The following FOCAD variants were observed in gnomAD, a reference collection of about 807,000 sequenced individuals.
FOCAD encodes the protein KIAA1797.
In FOCAD, 198 loss-of-function variants were observed where a neutral mutation model predicts 225.6. The observed-to-expected ratio is 0.88, with a 90% CI of 0.78 to 0.99. The LOEUF is 0.99. Ranked by LOEUF, FOCAD falls within the 50% of genes least tolerant of loss-of-function variation. FOCAD has a pLI of 0.00. For synonymous variants in FOCAD, 897 were observed against 755.0 expected (o/e 1.19, Z -3.08); for missense variants, 2,713 against 2,123.6 (o/e 1.28, Z -5.46).
chr9:20,781,398 G>C (rs1819345597), intron 9 of FOCAD, among the ~76,000 whole-genome samples: 1 of 152,150 alleles, frequency 6.6e-6, no homozygotes. Context: ...AGGAATTCTT[G>C]GTCTCTTAGC....
Position 20,953,071 on chromosome 9 carries a change from T to C in FOCAD, c.4132+6T>C. The C allele has an allele frequency of 6.2e-7, 1 of 1,608,884 alleles. No individual in the cohort carries two copies. The highest frequency in any genetic ancestry group is 8.5e-7 in the Non-Finnish European group (1 of 1,176,602). ...CATTACAGGAGGAAAAAAAGGCAAGTGAGCACATTTCTTGAATTTTATCAT... is the reference window on the plus strand; with the variant it reads ...CATTACAGGAGGAAAAAAAGGCAAGCGAGCACATTTCTTGAATTTTATCAT... On this transcript the variant is annotated splice_donor_region_variant and intron_variant, in intron 35 of 43. Coordinates refer to ENST00000338382, the MANE Select transcript of FOCAD (RefSeq NM_001375567.1).
chr9:20,855,091 C>T (rs951545634), intron 15 of FOCAD, among the ~76,000 whole-genome samples: 4 of 151,412 alleles, frequency 2.6e-5, no homozygotes, highest in Admixed American at 2.0e-4. Flanking sequence ...AAGCATTAAA[C>T]CATAAAAACT....
At chr9:20,914,010 A>G (rs941677983) in intron 23 of FOCAD, among the ~76,000 whole-genome samples, 2 of 152,018 alleles carry the variant, frequency 1.3e-5, no homozygotes, top group African/African-American at 4.8e-5. Flanking sequence ...CATGCCTGTA[A>G]TCCCAGCACT....
At chr9:20,901,191 A>AGT (rs1832525129) in intron 21 of FOCAD, among the ~76,000 whole-genome samples, 7 of 132,424 alleles carry the variant, frequency 5.3e-5, no homozygotes, top group South Asian at 2.6e-4. Context: ...ATGTGGAAAC[A>AGT]ATGTGTGTGT....
Position 20,792,572 on chromosome 9 carries a change from T to G in FOCAD, c.1455+2964T>G, listed in dbSNP as rs1476715179. Reference sequence around the variant, plus strand: ...TTGTTTGGAAGTGGCAGTAGAGTCATGCTTATTTGTTTTGCTTTTCTTTTA... The same window carrying G: ...TTGTTTGGAAGTGGCAGTAGAGTCAGGCTTATTTGTTTTGCTTTTCTTTTA... On this transcript the variant is annotated intron_variant, in intron 11 of 43. Transcript: ENST00000338382. 2.6e-5 allele frequency among the ~76,000 whole-genome samples: 4 copies of G among 152,244 alleles called. No individual in the cohort carries two copies. The East Asian group carries it at 7.7e-4, about 29-fold the overall frequency.
intron 11 of FOCAD, among the ~76,000 whole-genome samples, chr9:20,796,045 A>G (rs1213984259): frequency 1.3e-5 from 2 of 148,448 alleles, no homozygotes; most frequent in Admixed American, 6.8e-5. Context: ...ATTCCCACCT[A>G]TGAGTGAGAA....
At chr9:20,825,600 T>C (rs1011619095) in intron 15 of FOCAD, among the ~76,000 whole-genome samples, 3 of 152,048 alleles carry the variant, frequency 2.0e-5, no homozygotes, top group Admixed American at 1.3e-4. Flanking sequence ...TTTAAGAAAA[T>C]ACCTTAGTTG....
At chr9:20,905,933 A>AT (rs35095102) in intron 21 of FOCAD, among the ~76,000 whole-genome samples, 126,657 of 148,124 alleles carry the variant, frequency 0.86, 54,576 homozygotes, top group East Asian at 0.99. Context: ...ACTGTTTGAG[A>AT]TTTTTTTTTT....
intron 11 of FOCAD, among the ~76,000 whole-genome samples, chr9:20,793,777 G>A (rs1820784686): frequency 6.6e-6 from 1 of 152,220 alleles, no homozygotes; most frequent in African/African-American, 2.4e-5. Flanking sequence ...TTGAAGGGCT[G>A]TGAGAGGGGA....
At chr9:20,868,373 C>G (rs1018795849) in intron 18 of FOCAD, among the ~76,000 whole-genome samples, 1 of 152,026 alleles carries the variant, frequency 6.6e-6, no homozygotes, top group Non-Finnish European at 1.5e-5. Context: ...TATTAAATAA[C>G]TCCAGCATAC....
chr9:20,815,282 C>T (rs1823603260), intron 11 of FOCAD, among the ~76,000 whole-genome samples: 1 of 150,030 alleles, frequency 6.7e-6, no homozygotes, highest in African/African-American at 2.4e-5. Flanking sequence ...TACAGGCATG[C>T]ACCACCATAC....
intron 35 of FOCAD, among the ~76,000 whole-genome samples, chr9:20,957,880 A>G (rs919845943): frequency 1.3e-4 from 20 of 151,760 alleles, no homozygotes; most frequent in African/African-American, 4.6e-4. Context: ...AATTCTCAGT[A>G]ATGTAGTGAG....
chr9:20,885,925 A>T (rs7023925), intron 21 of FOCAD, among the ~76,000 whole-genome samples: 106 of 152,356 alleles, frequency 7.0e-4, no homozygotes, highest in African/African-American at 2.4e-3. Context: ...AGTAGGTTAT[A>T]TATCAGTTAT....
intron 37 of FOCAD, among the ~76,000 whole-genome samples, chr9:20,981,116 A>G (rs137910352): frequency 2.2e-3 from 329 of 152,338 alleles, no homozygotes; most frequent in African/African-American, 6.0e-3. Flanking sequence ...TACTTTCAGA[A>G]GTAGCATTTT....
chr9:20,794,674 A>G (rs1026964853), intron 11 of FOCAD, among the ~76,000 whole-genome samples: 1 of 152,240 alleles, frequency 6.6e-6, no homozygotes, highest in African/African-American at 2.4e-5. Context: ...GGAAAATTGT[A>G]AGGGATTTCA....
At chr9:20,988,298 A>T (rs1388067623) in intron 40 of FOCAD, 34 bp from the exon 41 acceptor site, 1 of 1,337,102 alleles carries the variant, frequency 7.5e-7, no homozygotes, top group Non-Finnish European at 1.1e-6. Context: ...AAGGAAAACC[A>T]TGGTCTAGTA....
intron 35 of FOCAD, among the ~76,000 whole-genome samples, chr9:20,968,819 CTT>C (rs1839509216): frequency 6.6e-6 from 1 of 152,000 alleles, no homozygotes; most frequent in Non-Finnish European, 1.5e-5. Flanking sequence ...ATTTGCTCTT[CTT>C]TTTTAAGTTC....
Position 20,749,664 on chromosome 9 carries a change from A to C in FOCAD, c.393-8426A>C, listed in dbSNP as rs1052414782. Reference sequence around the variant, plus strand: ...GAAAGCACCAGGGTCACAGCTGCATACATGAAAATGCATGGTGACTGCAGG... The same window carrying C: ...GAAAGCACCAGGGTCACAGCTGCATCCATGAAAATGCATGGTGACTGCAGG... On this transcript the variant is annotated intron_variant, in intron 5 of 43. Coordinates refer to ENST00000338382, the MANE Select transcript of FOCAD (RefSeq NM_001375567.1). Among the ~76,000 whole-genome samples, 5 of 152,320 alleles carry C rather than the reference A, an allele frequency of 3.3e-5. No homozygotes were observed. In the South Asian group the frequency reaches 8.3e-4, roughly 25 times the overall value.
chr9:20,733,115 A>C (rs1826852895), intron 4 of FOCAD, among the ~76,000 whole-genome samples: 1 of 152,040 alleles, frequency 6.6e-6, no homozygotes, highest in Non-Finnish European at 1.5e-5. Flanking sequence ...TTGATTTGTT[A>C]ATTAACTCTT....
Sources: gnomAD v4.1 joint callset for allele counts (sites outside exome capture counted in the v4.1 genomes callset) on GRCh38, gnomAD v4.1.1 for gene constraint, MANE v1.5 for transcripts, NCBI Gene and HGNC (gene_info 2026-07-23, HGNC 2026-07-21) for gene names.